The following LHFPL1 variants were observed in gnomAD, a reference collection of about 807,000 sequenced individuals.
LHFPL1 encodes LHFPL tetraspan subfamily member 1 protein.
A neutral mutation model predicts 12.1 loss-of-function variants in LHFPL1; 4 were observed. The observed-to-expected ratio is 0.33, with a 90% CI of 0.16 to 0.76. The LOEUF (loss-of-function observed/expected upper bound fraction) is 0.76, where lower values mean the gene tolerates loss of function less well. Among genes scored for constraint, LHFPL1 ranks in the 30% least tolerant of loss-of-function variants. The pLI, the probability that LHFPL1 is intolerant of heterozygous loss-of-function variation, is 0.61. For synonymous variants in LHFPL1, 52 were observed against 61.9 expected, an observed-to-expected ratio of 0.84 and a Z score of 0.75; for missense variants, 141 against 174.1, an observed-to-expected ratio of 0.81 and a Z score of 1.07.
intron 2 of LHFPL1, among the ~76,000 whole-genome samples, chrX:112,661,218 T>C (rs1274243092): frequency 9.0e-6 from 1 of 111,362 alleles, no homozygotes; most frequent in Admixed American, 9.5e-5. Context: ...CCTCCCCCGA[T>C]AAATCATTCC....
At chrX:112,674,347 T>C (rs1431290266) in intron 1 of LHFPL1, among the ~76,000 whole-genome samples, 3 of 111,313 alleles carry the variant, frequency 2.7e-5, no homozygotes, top group Non-Finnish European at 5.7e-5. Flanking sequence ...TTCTAGAAGA[T>C]AACATTGAAA....
chrX:112,642,804 A>T (rs753237965), intron 3 of LHFPL1, among the ~76,000 whole-genome samples: 2 of 110,636 alleles, frequency 1.8e-5, no homozygotes, highest in East Asian at 5.8e-4. Context: ...CACCGTCATT[A>T]TTTTTCTATT....
intron 3 of LHFPL1, among the ~76,000 whole-genome samples, chrX:112,634,140 C>T (rs1200172108): frequency 3.6e-5 from 4 of 111,808 alleles, no homozygotes; most frequent in African/African-American, 1.3e-4. Flanking sequence ...TATGAGGCTC[C>T]GGTGATAGCC....
intron 3 of LHFPL1, among the ~76,000 whole-genome samples, chrX:112,645,062 G>A (rs1333283658): frequency 8.9e-6 from 1 of 112,184 alleles, no homozygotes; most frequent in Non-Finnish European, 1.9e-5. Flanking sequence ...GTGTGTGTTG[G>A]AGGGGGTCCC....
intron 1 of LHFPL1, among the ~76,000 whole-genome samples, chrX:112,673,045 A>G (rs1357133265): frequency 9.0e-6 from 1 of 111,425 alleles, no homozygotes; most frequent in Non-Finnish European, 1.9e-5. Context: ...CCCCCTCTCC[A>G]TGACTTTACA....
intron 3 of LHFPL1, among the ~76,000 whole-genome samples, chrX:112,634,005 A>G (rs1264978719): frequency 8.9e-6 from 1 of 111,833 alleles, no homozygotes; most frequent in Non-Finnish European, 1.9e-5. Flanking sequence ...TACACAAAGT[A>G]GGAAGGTTTG....
At chrX:112,638,575 T>C (rs1198768544) in intron 3 of LHFPL1, among the ~76,000 whole-genome samples, 1 of 110,594 alleles carries the variant, frequency 9.0e-6, no homozygotes, top group Non-Finnish European at 1.9e-5. Context: ...ATTAGAACAA[T>C]AGAGATACTA....
intron 3 of LHFPL1, among the ~76,000 whole-genome samples, chrX:112,633,327 C>T (rs867475477): frequency 2.7e-5 from 3 of 112,063 alleles, no homozygotes; most frequent in African/African-American, 9.7e-5. Context: ...AGTTGAAAAA[C>T]CAGCGAATAT....
At chrX:112,649,877 C>T (rs1930802366) in intron 3 of LHFPL1, among the ~76,000 whole-genome samples, 1 of 109,266 alleles carries the variant, frequency 9.2e-6, no homozygotes, top group African/African-American at 3.3e-5. Context: ...TCCTTTTATT[C>T]TCATTGTGCA....
At chrX:112,661,238 C>A (rs1931177823) in intron 2 of LHFPL1, among the ~76,000 whole-genome samples, 1 of 111,330 alleles carries the variant, frequency 9.0e-6, no homozygotes, top group African/African-American at 3.3e-5. Flanking sequence ...CAGCTTTATA[C>A]CAAGCAGTCC....
At chrX:112,658,782 C>A (rs1219131795) in intron 3 of LHFPL1, among the ~76,000 whole-genome samples, 2 of 110,660 alleles carry the variant, frequency 1.8e-5, no homozygotes, top group African/African-American at 6.6e-5. Flanking sequence ...GATATATACC[C>A]AAAAGAAATG....
At chrX:112,667,153 C>T (rs1931359486) in intron 2 of LHFPL1, among the ~76,000 whole-genome samples, 1 of 112,031 alleles carries the variant, frequency 8.9e-6, no homozygotes, top group Non-Finnish European at 1.9e-5. Context: ...TGGCACTCTT[C>T]CTGAAATCAA....
chrX:112,635,247 C>T (rs995363371), intron 3 of LHFPL1, among the ~76,000 whole-genome samples: 21 of 112,313 alleles, frequency 1.9e-4, no homozygotes, highest in Non-Finnish European at 3.0e-4. Flanking sequence ...TATTGAGTAC[C>T]GACTATATGC....
intron 3 of LHFPL1, among the ~76,000 whole-genome samples, chrX:112,638,241 G>A (rs1229577078): frequency 8.9e-6 from 1 of 111,747 alleles, no homozygotes; most frequent in Non-Finnish European, 1.9e-5. Flanking sequence ...ATAGGCAAAA[G>A]AAGGGAAGGA....
intron 3 of LHFPL1, among the ~76,000 whole-genome samples, chrX:112,657,126 C>T (rs1931028892): frequency 8.9e-6 from 1 of 112,245 alleles, no homozygotes; most frequent in African/African-American, 3.2e-5. Flanking sequence ...TGTATAATAA[C>T]AATAAGGAAT....
chrX:112,657,662 C>G (rs1408399495), intron 3 of LHFPL1, among the ~76,000 whole-genome samples: 2 of 111,082 alleles, frequency 1.8e-5, no homozygotes, highest in Non-Finnish European at 3.8e-5. Flanking sequence ...AACAAGGATA[C>G]CAAGACCATT....
intron 2 of LHFPL1, among the ~76,000 whole-genome samples, chrX:112,663,596 A>G (rs746706491): frequency 8.9e-6 from 1 of 112,204 alleles, no homozygotes; most frequent in Non-Finnish European, 1.9e-5. Context: ...TGAAACACAG[A>G]AAGGGAAAAT....
At chrX:112,660,378 C>A (rs1404831399) in intron 3 of LHFPL1, among the ~76,000 whole-genome samples, 3 of 112,138 alleles carry the variant, frequency 2.7e-5, no homozygotes, top group African/African-American at 9.7e-5. Flanking sequence ...TTTTAAATCC[C>A]TCTGAAGATA....
intron 3 of LHFPL1, among the ~76,000 whole-genome samples, chrX:112,656,024 T>C (rs1365942434): frequency 8.9e-6 from 1 of 112,028 alleles, no homozygotes; most frequent in Non-Finnish European, 1.9e-5. Flanking sequence ...AAGCCAATAT[T>C]ACCTTAATAC....
Sources: gnomAD v4.1 joint callset for allele counts (sites outside exome capture counted in the v4.1 genomes callset) on GRCh38, gnomAD v4.1.1 for gene constraint, MANE v1.5 for transcripts, NCBI Gene and HGNC (gene_info 2026-07-23, HGNC 2026-07-21) for gene names.